Variants in NTN4 observed in about 807,000 individuals in gnomAD.
NTN4 encodes the protein netrin 4, also known as netrin-4.
NTN4 carries 32 observed loss-of-function variants against 73.6 expected under a neutral mutation model. That is an observed-to-expected ratio of 0.44 (90% CI 0.33 to 0.58). The LOEUF (loss-of-function observed/expected upper bound fraction) is 0.58, where lower values mean the gene tolerates loss of function less well. Ranked by LOEUF, NTN4 falls within the 20% of genes least tolerant of loss-of-function variation. The pLI, the probability that NTN4 is intolerant of heterozygous loss-of-function variation, is 0.04. For synonymous variants in NTN4, 258 were observed against 287.5 expected (o/e 0.90, Z 1.04); for missense variants, 654 against 798.3 (o/e 0.82, Z 2.18).
At chr12:95,770,999 T>TTC (rs2079054292) in intron 2 of NTN4, among the ~76,000 whole-genome samples, 1 of 144,324 alleles carries the variant, frequency 6.9e-6, no homozygotes, top group African/African-American at 2.7e-5. Context: ...TTTGTTTTTT[T>TTC]TTTTTTTTGA....
At chr12:95,777,314 T>C (rs1397936905) in intron 2 of NTN4, among the ~76,000 whole-genome samples, 1 of 152,146 alleles carries the variant, frequency 6.6e-6, no homozygotes, top group East Asian at 1.9e-4. Flanking sequence ...CATAACAATA[T>C]TAACCTTAAA....
chr12:95,755,171 G>C (rs1490447289), intron 2 of NTN4, among the ~76,000 whole-genome samples: 2 of 152,202 alleles, frequency 1.3e-5, no homozygotes, highest in African/African-American at 2.4e-5. Context: ...ACTTGAAGAG[G>C]AAGGTTATAC....
At chr12:95,750,299 T>A (rs113319183) in intron 2 of NTN4, among the ~76,000 whole-genome samples, 1 of 151,380 alleles carries the variant, frequency 6.6e-6, no homozygotes, top group African/African-American at 2.4e-5. Flanking sequence ...CCCTTCTCTC[T>A]GTTTCTCTAC....
chr12:95,697,882 G>A (rs376843455), intron 5 of NTN4, among the ~76,000 whole-genome samples: 14 of 151,938 alleles, frequency 9.2e-5, no homozygotes, highest in African/African-American at 2.9e-4. Context: ...CTCAACATCC[G>A]TGGATTCAGC....
At chr12:95,693,227 G>A (rs554333246) in intron 5 of NTN4, among the ~76,000 whole-genome samples, 3 of 151,982 alleles carry the variant, frequency 2.0e-5, no homozygotes, top group Non-Finnish European at 4.4e-5. Context: ...CATTATACCC[G>A]AGGTAGTTCA....
At chr12:95,735,902 A>ATTTTT (rs1565901266) in intron 3 of NTN4, among the ~76,000 whole-genome samples, 3 of 132,840 alleles carry the variant, frequency 2.3e-5, no homozygotes, top group African/African-American at 8.4e-5. Context: ...ATTTTTTTTA[A>ATTTTT]ATTTTTATTT....
At chr12:95,663,137 A>G (rs2078151540) in intron 9 of NTN4, among the ~76,000 whole-genome samples, 1 of 151,844 alleles carries the variant, frequency 6.6e-6, no homozygotes, top group Non-Finnish European at 1.5e-5. Flanking sequence ...AGAAAAAAAA[A>G]GAAAGAAATC....
At chr12:95,668,008 C>A (rs1043329841) in intron 8 of NTN4, among the ~76,000 whole-genome samples, 1 of 152,244 alleles carries the variant, frequency 6.6e-6, no homozygotes. Context: ...TAGTGCCCGG[C>A]GTGTGGCTAA....
intron 5 of NTN4, among the ~76,000 whole-genome samples, chr12:95,700,806 C>T (rs1592673519): frequency 2.3e-5 from 3 of 131,912 alleles, no homozygotes; most frequent in Admixed American, 8.3e-5. Flanking sequence ...TTTTTTCTTT[C>T]TTTCTTTCTT....
At chr12:95,699,169 G>A (rs1301514312) in intron 5 of NTN4, among the ~76,000 whole-genome samples, 2 of 152,098 alleles carry the variant, frequency 1.3e-5, no homozygotes, top group Non-Finnish European at 2.9e-5. Context: ...TATAAAACAA[G>A]GATGTCTATG....
rs2078327920 is a variant in NTN4, at chr12:95,682,716, G to C, written c.1501C>G (p.Leu501Val). ...GTTACATCCATCTCACCTGAGTGTA[G>C]AAGTGCAGAAAACCCCTGCGCATCC... ...WEDAQGFSAL[L>V]HSGKCECKEQ... is the part of the protein sequence containing the mutation. Residue 501 changes from leucine (L) to valine (V), a missense_variant, in exon 7 of 10, where the codon CTA (leucine) becomes GTA (valine). Leu to Val is a conservative substitution (Grantham distance 32). Coordinates refer to ENST00000343702, the MANE Select transcript of NTN4 (RefSeq NM_021229.4). 1 of 1,609,702 alleles carries C rather than the reference G, an allele frequency of 6.2e-7. No individual in the cohort carries two copies.
chr12:95,784,387 T>C (rs991344769), intron 2 of NTN4, among the ~76,000 whole-genome samples: 11 of 152,178 alleles, frequency 7.2e-5, no homozygotes, highest in African/African-American at 2.4e-4. Context: ...AAAGAAGAAA[T>C]TCTATAATGA....
At position 95,741,422 on chromosome 12, in the gene NTN4, A is replaced by G. The variant is rs1467199460; in HGVS notation, c.586-3278T>C. Among the ~76,000 whole-genome samples the G allele has an allele frequency of 4.8e-5, 4 of 83,542 alleles. 1 individual carries two copies. The East Asian group carries it at 1.0e-3, about 21-fold the overall frequency. The allele number at this position is 83,542 out of a possible 152,430, so 54.8% of individuals were successfully genotyped here. On this transcript the variant is annotated intron_variant, in intron 2 of 9. Coordinates refer to ENST00000343702, the MANE Select transcript of NTN4 (RefSeq NM_021229.4). ...GAAAAACCTATAATGTAAATTATGT[A>G]TAAATTATATATATATATATATATA...
chr12:95,696,104 A>G, intron 5 of NTN4, among the ~76,000 whole-genome samples: 1 of 151,774 alleles, frequency 6.6e-6, no homozygotes, highest in East Asian at 1.9e-4. Context: ...CAGGAACTGG[A>G]GTTATCCCTA....
chr12:95,660,887 T>C (rs760947815), intron 9 of NTN4, among the ~76,000 whole-genome samples: 6 of 152,148 alleles, frequency 3.9e-5, no homozygotes, highest in Non-Finnish European at 8.8e-5. Context: ...GTAACAACCA[T>C]ACAGGCCTCT....
chr12:95,711,828 G>T (rs925391588), intron 4 of NTN4, among the ~76,000 whole-genome samples: 3 of 152,196 alleles, frequency 2.0e-5, no homozygotes, highest in African/African-American at 7.2e-5. Flanking sequence ...AAATTCTTTA[G>T]ATTCTCTTCA....
Position 95,658,800 on chromosome 12 carries a change from C to G in NTN4, c.*286G>C, listed in dbSNP as rs1017058874. 4.4e-6 allele frequency: 1 copy of G among 227,340 alleles called. No individual in the cohort carries two copies. Among genetic ancestry groups the G allele is most frequent in the African/African-American group, 2.3e-5 (1 of 44,154 alleles). 14.1% of individuals were successfully genotyped at this position (227,340 alleles called of 1,614,324 possible). On this transcript the variant is annotated 3_prime_UTR_variant, in exon 10 of 10. Transcript: ENST00000343702. ...TAGAGGTACTGCCCTTAATGGATTA[C>G]TGCTAAATGTCATGCTGCTATTAAA... is the stretch of plus-strand genomic sequence containing the variant.
chr12:95,768,109 G>C (rs10507061), intron 2 of NTN4, among the ~76,000 whole-genome samples: 72,969 of 152,044 alleles, frequency 0.48, 18,213 homozygotes, highest in South Asian at 0.65. Context: ...GTTTACTTGA[G>C]CAATAGCTAT....
chr12:95,738,565 G>A (rs931923313), intron 2 of NTN4, among the ~76,000 whole-genome samples: 4 of 152,330 alleles, frequency 2.6e-5, no homozygotes, highest in Admixed American at 1.3e-4. Context: ...GAGAGCAGGT[G>A]TGAGATAGAC....
Sources: allele counts gnomAD v4.1 joint callset (sites outside exome capture counted in the v4.1 genomes callset), GRCh38; gene constraint gnomAD v4.1.1; transcripts MANE v1.5; gene names NCBI Gene and HGNC (gene_info 2026-07-23, HGNC 2026-07-21).